CMTM6: variants seen among roughly 807,000 people sequenced by gnomAD.
The protein encoded by CMTM6 is CKLF like MARVEL transmembrane domain containing 6, also known as CKLF-like MARVEL transmembrane domain-containing protein 6.
In CMTM6, 5 loss-of-function variants were observed where a neutral mutation model predicts 13.6. The observed-to-expected ratio is 0.37, with a 90% confidence interval of 0.19 to 0.77. The LOEUF is 0.77. CMTM6 is among the 30% of genes least tolerant of loss of function. The pLI is 0.50. For synonymous variants in CMTM6, 99 were observed against 84.5 expected (o/e 1.17, Z -0.94); for missense variants, 196 against 218.6 (o/e 0.90, Z 0.65).
At position 32,482,072 on chromosome 3, in the gene CMTM6, A is replaced by G. The variant is rs770982172; in HGVS notation, c.*1888T>C. 1.3e-5 allele frequency: 2 copies of G among 152,224 alleles called. No homozygotes were observed. The highest frequency in any genetic ancestry group is 2.9e-5 in the Non-Finnish European group (2 of 68,042). 9.4% of individuals were successfully genotyped at this position (152,224 alleles called of 1,614,324 possible). ...TGTGAAACTTTAGTCTACCTACCAT[A>G]AACTCGTTTTCTGAATCAGTCCTTA... On this transcript the variant is annotated 3_prime_UTR_variant, in exon 4 of 4. Transcript: ENST00000205636.
At position 32,484,103 on chromosome 3, in the gene CMTM6, GA is replaced by G. The variant is rs34288928; in HGVS notation, c.415-7del. 1.2e-5 allele frequency: 19 copies of G among 1,567,700 alleles called. No homozygotes were observed. Among genetic ancestry groups the G allele is most frequent in the South Asian group, 8.3e-5 (7 of 83,920 alleles). The stretch of plus-strand genomic sequence containing the variant: ...CTTGCTATAAATCCAAACACCTGAG[GA>G]AAAAAAGGAGGAAAGGTTATATGAG... On this transcript the variant is annotated splice_polypyrimidine_tract_variant and splice_region_variant and intron_variant, in intron 3 of 3. Coordinates refer to ENST00000205636, the MANE Select transcript of CMTM6 (RefSeq NM_017801.3).
At chr3:32,496,577 T>C (rs1269789218) in intron 1 of CMTM6, among the ~76,000 whole-genome samples, 5 of 152,206 alleles carry the variant, frequency 3.3e-5, no homozygotes, top group African/African-American at 1.2e-4. Context: ...GATGGAGTAA[T>C]AAGCTCAATG....
chr3:32,492,999 T>C (rs772659320), intron 1 of CMTM6, among the ~76,000 whole-genome samples: 1 of 152,274 alleles, frequency 6.6e-6, no homozygotes, highest in Non-Finnish European at 1.5e-5. Context: ...ACCAGCCTTT[T>C]ACAGTTGCCT....
At chr3:32,500,375 G>C (rs1313885654) in intron 1 of CMTM6, among the ~76,000 whole-genome samples, 1 of 152,176 alleles carries the variant, frequency 6.6e-6, no homozygotes, top group African/African-American at 2.4e-5. Flanking sequence ...GATAATTCCT[G>C]TAATATACTG....
rs1190421324 is a variant in CMTM6 at position 32,482,426 on chromosome 3, G to C, written c.*1534C>G. On this transcript the variant is annotated 3_prime_UTR_variant, in exon 4 of 4. Transcript: ENST00000205636. The stretch of plus-strand genomic sequence containing the variant: ...TTATCACTGGAAACATGATTCCACT[G>C]TTTCAAATAGGAAACCTACCCTGGG... The C allele has an allele frequency of 6.6e-6, 1 of 151,940 alleles. No homozygotes were observed. Among genetic ancestry groups the C allele is most frequent in the Non-Finnish European group, 1.5e-5 (1 of 68,006 alleles). The allele number at this position is 151,940 out of a possible 1,614,324, so 9.4% of individuals were successfully genotyped here.
At chr3:32,490,908 G>C (rs1296703219) in intron 2 of CMTM6, among the ~76,000 whole-genome samples, 3 of 151,926 alleles carry the variant, frequency 2.0e-5, no homozygotes, top group Non-Finnish European at 4.4e-5. Context: ...TCAGACACTT[G>C]AGAACTTTTC....
intron 2 of CMTM6, among the ~76,000 whole-genome samples, chr3:32,490,202 C>T (rs1163615091): frequency 2.7e-5 from 4 of 150,506 alleles, no homozygotes; most frequent in African/African-American, 9.8e-5. Flanking sequence ...GCTGCTATTG[C>T]GCCACTGCAC....
chr3:32,497,227 CA>C (rs1173862727), intron 1 of CMTM6, among the ~76,000 whole-genome samples: 3 of 150,544 alleles, frequency 2.0e-5, no homozygotes, highest in African/African-American at 2.4e-5. Context: ...ACTAAAAATA[CA>C]AAAAAAATTA....
chr3:32,491,365 T>C (rs1472078186), intron 2 of CMTM6, among the ~76,000 whole-genome samples: 1 of 152,238 alleles, frequency 6.6e-6, no homozygotes, highest in Non-Finnish European at 1.5e-5. Context: ...TGGCATATAA[T>C]AAAGGCACAC....
intron 3 of CMTM6, among the ~76,000 whole-genome samples, chr3:32,484,529 C>T (rs1697186368): frequency 6.6e-6 from 1 of 152,176 alleles, no homozygotes; most frequent in African/African-American, 2.4e-5. Context: ...AATATCAAAA[C>T]AGAAATTCCA....
intron 1 of CMTM6, among the ~76,000 whole-genome samples, chr3:32,501,581 C>T (rs1697345935): frequency 6.6e-6 from 1 of 152,224 alleles, no homozygotes; most frequent in Non-Finnish European, 1.5e-5. Flanking sequence ...TTTCCGACTT[C>T]TGTTTTTCTA....
At chr3:32,485,056 A>G (rs1450864451) in intron 3 of CMTM6, among the ~76,000 whole-genome samples, 1 of 151,756 alleles carries the variant, frequency 6.6e-6, no homozygotes, top group Non-Finnish European at 1.5e-5. Flanking sequence ...ACAAAAGCCA[A>G]GTCTTTTTCC....
rs1697167482 is a variant in CMTM6 at position 32,482,853 on chromosome 3, A to G, written c.*1107T>C. On this transcript the variant is annotated 3_prime_UTR_variant, in exon 4 of 4. Coordinates refer to ENST00000205636, the MANE Select transcript of CMTM6 (RefSeq NM_017801.3). ...AGGACCACCTAAAGACAACTGACAA[A>G]AAGTGTCAGAGCCAGAGGCCAACCT... 1.3e-5 allele frequency: 2 copies of G among 152,026 alleles called. No homozygotes were observed. The highest frequency in any genetic ancestry group is 1.3e-4 in the Admixed American group (2 of 15,254). 9.4% of individuals were successfully genotyped at this position (152,026 alleles called of 1,614,324 possible). A position where few individuals can be genotyped will look rare whatever the true frequency, so the allele number is the denominator to read the frequency against.
In CMTM6 at chr3:32,502,807, A is replaced by G; in HGVS notation, c.-62T>C. ...GCGCCGTTGACTTCTCGGACTCCAG[A>G]AGTCCCCGGTAGCCGGGAGGCGGCC... On this transcript the variant is annotated 5_prime_UTR_variant, in exon 1 of 4. Coordinates refer to ENST00000205636, the MANE Select transcript of CMTM6 (RefSeq NM_017801.3). 1 of 1,366,926 alleles carries G rather than the reference A, an allele frequency of 7.3e-7. No individual in the cohort carries two copies. Among genetic ancestry groups the G allele is most frequent in the Non-Finnish European group, 9.4e-7 (1 of 1,060,420 alleles). The allele number at this position is 1,366,926 out of a possible 1,614,324, so 84.7% of individuals were successfully genotyped here.
rs759065034 is a variant in CMTM6 at position 32,491,668 on chromosome 3, A to G, written c.315+42T>C. The stretch of plus-strand genomic sequence containing the variant: ...GAACAATAAAATTATGCCAGATTAC[A>G]AAACAGCTATTAATACAGGGATGAT... On this transcript the variant is annotated intron_variant, in intron 2 of 3. Transcript: ENST00000205636. The G allele has an allele frequency of 2.0e-6, 3 of 1,482,276 alleles. No homozygotes were observed. The East Asian group carries it at 6.8e-5, about 34-fold the overall frequency. 91.8% of individuals were successfully genotyped at this position (1,482,276 alleles called of 1,614,324 possible). A position where few individuals can be genotyped will look rare whatever the true frequency, so the allele number is the denominator to read the frequency against.
chr3:32,502,492 TG>T, intron 1 of CMTM6, 115 bp downstream of exon 1: 1 of 1,348,390 alleles, frequency 7.4e-7, no homozygotes. Context: ...ACTAGAGGTG[TG>T]GAAACCTCCT....
At position 32,483,941 on chromosome 3, in the gene CMTM6, CATCT is replaced by C; in HGVS notation, c.*15_*18del. 2 of 1,574,904 alleles carry C rather than the reference CATCT, an allele frequency of 1.3e-6. No individual in the cohort carries two copies. The highest frequency in any genetic ancestry group is 1.7e-6 in the Non-Finnish European group (2 of 1,165,836). On this transcript the variant is annotated 3_prime_UTR_variant, in exon 4 of 4. Coordinates refer to ENST00000205636, the MANE Select transcript of CMTM6 (RefSeq NM_017801.3). The stretch of plus-strand genomic sequence containing the variant: ...AATGCAGGGTCACTACCTTAGGTAA[CATCT>C]GCTCCCCAGAGTCTTTAGGCATTAA...
At chr3:32,497,025 G>C (rs1425392404) in intron 1 of CMTM6, among the ~76,000 whole-genome samples, 1 of 152,040 alleles carries the variant, frequency 6.6e-6, no homozygotes, top group Non-Finnish European at 1.5e-5. Flanking sequence ...CTACAGTTCC[G>C]AGTGTAGGAG....
At chr3:32,491,375 CAATT>C (rs1486820979) in intron 2 of CMTM6, among the ~76,000 whole-genome samples, 7 of 152,186 alleles carry the variant, frequency 4.6e-5, no homozygotes, top group African/African-American at 9.6e-5. Flanking sequence ...TAAAGGCACA[CAATT>C]AATAATTGTA....
Sources: gnomAD v4.1 joint callset for allele counts (sites outside exome capture counted in the v4.1 genomes callset) on GRCh38, gnomAD v4.1.1 for gene constraint, MANE v1.5 for transcripts, NCBI Gene and HGNC (gene_info 2026-07-23, HGNC 2026-07-21) for gene names.